Variants in MARCHF4 observed in about 807,000 individuals in gnomAD.
MARCHF4 encodes membrane associated ring-CH-type finger 4, also known as E3 ubiquitin-protein ligase MARCHF4.
Under a neutral mutation model 43.9 loss-of-function variants are expected in MARCHF4, and 14 were observed. The observed-to-expected ratio is 0.32, with a 90% CI of 0.21 to 0.50. MARCHF4 has a LOEUF of 0.50. Among genes scored for constraint, MARCHF4 ranks in the 20% least tolerant of loss-of-function variants. The pLI is 0.98. For synonymous variants in MARCHF4, 226 were observed against 213.3 expected, an observed-to-expected ratio of 1.06 and a Z score of -0.52; for missense variants, 468 against 536.7, an observed-to-expected ratio of 0.87 and a Z score of 1.27.
chr2:216,354,029 T>C (rs748778718), intron 1 of MARCHF4, among the ~76,000 whole-genome samples: 2 of 152,214 alleles, frequency 1.3e-5, no homozygotes, highest in Non-Finnish European at 2.9e-5. Context: ...AAGATGGCTT[T>C]GTGGAGTTAC....
intron 1 of MARCHF4, among the ~76,000 whole-genome samples, chr2:216,354,951 C>G (rs1218584108): frequency 1.4e-5 from 2 of 139,758 alleles, no homozygotes; most frequent in Non-Finnish European, 3.1e-5. Flanking sequence ...TTCTTTCTTT[C>G]TTTCTTTCTT....
chr2:216,320,668 TTTCTTTC>T (rs869045945), intron 1 of MARCHF4, among the ~76,000 whole-genome samples: 1,663 of 109,086 alleles, frequency 0.015, 41 homozygotes, highest in South Asian at 0.033. Context: ...TCTTTCTTTC[TTTCTTTC>T]TTTTTTTTTT....
In MARCHF4 at chr2:216,344,323, T is replaced by A. The variant is rs114174350; in HGVS notation, c.516+25422A>T. Among the ~76,000 whole-genome samples, 193 of 152,286 alleles carry A rather than the reference T, an allele frequency of 1.3e-3. 1 individual carries two copies. Among genetic ancestry groups the A allele is most frequent in the Non-Finnish European group, 2.3e-3 (154 of 68,032 alleles). ...ACATAATGTACTCTGACTTTTCCTA[T>A]CCTATTCTACTGAATTTCATGGTGG... On this transcript the variant is annotated intron_variant, in intron 1 of 3. Coordinates refer to ENST00000273067, the MANE Select transcript of MARCHF4 (RefSeq NM_020814.3).
At chr2:216,270,538 A>T (rs912385777) in intron 3 of MARCHF4, among the ~76,000 whole-genome samples, 5 of 151,814 alleles carry the variant, frequency 3.3e-5, no homozygotes, top group Non-Finnish European at 7.4e-5. Context: ...TGACAAAAAA[A>T]CCTCTTCTTA....
chr2:216,311,730 A>T (rs991008322), intron 1 of MARCHF4, among the ~76,000 whole-genome samples: 1 of 152,154 alleles, frequency 6.6e-6, no homozygotes, highest in Non-Finnish European at 1.5e-5. Flanking sequence ...CTTGCATAAG[A>T]GTAAGGACTT....
intron 1 of MARCHF4, chr2:216,351,371 A>C (rs2105979445): frequency 6.6e-6 from 1 of 152,660 alleles, no homozygotes; most frequent in South Asian, 2.1e-4. Context: ...AGGGAATGCA[A>C]GAGCTACAAG....
At chr2:216,287,886 C>T (rs572251501) in intron 1 of MARCHF4, among the ~76,000 whole-genome samples, 16 of 152,034 alleles carry the variant, frequency 1.1e-4, no homozygotes, top group African/African-American at 3.9e-4. Flanking sequence ...AGCCAAGTCT[C>T]TTAACCTCTC....
intron 1 of MARCHF4, among the ~76,000 whole-genome samples, chr2:216,360,669 C>A (rs1400207584): frequency 6.6e-6 from 1 of 152,090 alleles, no homozygotes; most frequent in African/African-American, 2.4e-5. Flanking sequence ...TGTATGATAC[C>A]ATAATGGTAG....
At chr2:216,348,791 T>C (rs1692358802) in intron 1 of MARCHF4, among the ~76,000 whole-genome samples, 1 of 152,184 alleles carries the variant, frequency 6.6e-6, no homozygotes, top group African/African-American at 2.4e-5. Flanking sequence ...ACCCTTTGCC[T>C]GTAACATTAA....
At position 216,332,723 on chromosome 2, in the gene MARCHF4, T is replaced by C. The variant is rs148053927; in HGVS notation, c.516+37022A>G. On this transcript the variant is annotated intron_variant, in intron 1 of 3. Transcript: ENST00000273067. ...AGACGGTCGTCTCCCCAAATGCATC[T>C]ATGGATTAACAAAGCTGTCTGAACT... is the stretch of plus-strand genomic sequence containing the variant. 2.8e-3 allele frequency among the ~76,000 whole-genome samples: 423 copies of C among 152,306 alleles called. 4 individuals are homozygous for C. Among genetic ancestry groups the C allele is most frequent in the African/African-American group, 9.9e-3 (413 of 41,578 alleles).
At chr2:216,260,624 ACAGTGCAG>A (rs1174948585) in intron 3 of MARCHF4, among the ~76,000 whole-genome samples, 1 of 152,296 alleles carries the variant, frequency 6.6e-6, no homozygotes, top group African/African-American at 2.4e-5. Flanking sequence ...TGTGACCAAT[ACAGTGCAG>A]CAGTGAGGAA....
intron 1 of MARCHF4, among the ~76,000 whole-genome samples, chr2:216,357,943 G>T (rs1027193294): frequency 3.3e-5 from 5 of 152,148 alleles, no homozygotes; most frequent in African/African-American, 1.2e-4. Context: ...TCCTTCTGAG[G>T]TCAGCAGCCC....
intron 1 of MARCHF4, among the ~76,000 whole-genome samples, chr2:216,355,003 A>ATTCTTTTTTTTTTT (rs1559106767): frequency 7.9e-6 from 1 of 126,514 alleles, no homozygotes; most frequent in African/African-American, 3.0e-5. Context: ...ACAGAGTCTA[A>ATTCTTTTTTTTTTT]CTTTGTCACC....
intron 1 of MARCHF4, among the ~76,000 whole-genome samples, chr2:216,360,583 C>T (rs943267390): frequency 6.6e-5 from 10 of 152,010 alleles, no homozygotes; most frequent in Admixed American, 1.3e-4. Context: ...AATATTTTGC[C>T]GGGAGATCGG....
intron 3 of MARCHF4, among the ~76,000 whole-genome samples, chr2:216,276,323 T>C (rs1366137888): frequency 6.6e-6 from 1 of 150,588 alleles, no homozygotes; most frequent in African/African-American, 2.5e-5. Flanking sequence ...GAAGGGAGTT[T>C]GGTGGGAGGG....
intron 1 of MARCHF4, among the ~76,000 whole-genome samples, chr2:216,295,297 G>A (rs541871861): frequency 6.6e-6 from 1 of 152,334 alleles, no homozygotes; most frequent in South Asian, 2.1e-4. Context: ...GTCTTGCCCT[G>A]TCACCCAGGC....
intron 3 of MARCHF4, among the ~76,000 whole-genome samples, chr2:216,271,957 A>ATTTTTTTTTTTTT (rs57629851): frequency 1.6e-4 from 16 of 100,602 alleles, no homozygotes; most frequent in African/African-American, 6.1e-4. Context: ...CACCTGGCTA[A>ATTTTTTTTTTTTT]TTTTTTTTTT....
rs1211146326 is a variant in MARCHF4 at position 216,370,217 on chromosome 2, C to A, written c.44G>T (p.Cys15Phe). The change falls in exon 1 of 4, where the codon TGC becomes TTC. Residue 15 changes from cysteine (C) to phenylalanine (F), a missense_variant. By Grantham distance (205) the Cys-to-Phe change is radical. Coordinates refer to ENST00000273067, the MANE Select transcript of MARCHF4 (RefSeq NM_020814.3). The part of the protein sequence containing the change: ...LCGLLWWWWC[C>F]CSGWYCYGLC... ...TCCATAGCAGTACCAGCCGGAGCAG[C>A]AGCACCACCACCACCAGAGCAGCCC... 1 of 1,610,786 alleles carries A rather than the reference C, an allele frequency of 6.2e-7. No homozygotes were observed. Among genetic ancestry groups the A allele is most frequent in the African/African-American group, 1.3e-5 (1 of 74,968 alleles).
chr2:216,281,829 T>C (rs927464333), intron 2 of MARCHF4, among the ~76,000 whole-genome samples: 1 of 152,192 alleles, frequency 6.6e-6, no homozygotes, highest in Admixed American at 6.5e-5. Context: ...AATATATCCA[T>C]ATGGATCCTT....
Sources: gnomAD v4.1 joint callset for allele counts (sites outside exome capture counted in the v4.1 genomes callset) on GRCh38, gnomAD v4.1.1 for gene constraint, MANE v1.5 for transcripts, NCBI Gene and HGNC (gene_info 2026-07-23, HGNC 2026-07-21) for gene names.